Variants in YES1 observed in about 807,000 individuals in gnomAD.
YES1 encodes the protein YES proto-oncogene 1, Src family tyrosine kinase.
Under a neutral mutation model 70.4 loss-of-function variants are expected in YES1, and 39 were observed. The observed-to-expected ratio is 0.55, with a 90% CI of 0.43 to 0.72. The LOEUF is 0.72. Ranked by LOEUF, YES1 falls within the 30% of genes least tolerant of loss-of-function variation. The pLI is 0.00. For missense variants in YES1, 495 were observed against 644.8 expected (o/e 0.77, Z 2.52); for synonymous variants, 198 against 218.6 (o/e 0.91, Z 0.83).
intron 1 of YES1, among the ~76,000 whole-genome samples, chr18:793,964 C>A (rs939628641): frequency 6.6e-5 from 10 of 152,114 alleles, no homozygotes; most frequent in Non-Finnish European, 1.5e-4. Context: ...CTTACAGAAT[C>A]CCAACTACTA....
chr18:798,557 G>A (rs779705404), intron 1 of YES1, among the ~76,000 whole-genome samples: 4 of 152,138 alleles, frequency 2.6e-5, no homozygotes, highest in Admixed American at 6.5e-5. Flanking sequence ...TAGGGGAGCC[G>A]CTTTAGCTCC....
At chr18:757,434 C>T (rs1280276879) in intron 1 of YES1, among the ~76,000 whole-genome samples, 4 of 145,814 alleles carry the variant, frequency 2.7e-5, no homozygotes, top group African/African-American at 7.7e-5. Flanking sequence ...ACCCGGGAGG[C>T]GGAGCTTGCA....
At position 724,048 on chromosome 18, in the gene YES1, T is replaced by A. The variant is rs1222257295; in HGVS notation, c.*376A>T. 1 of 169,710 alleles carries A rather than the reference T, an allele frequency of 5.9e-6. No homozygotes were observed. Among genetic ancestry groups the A allele is most frequent in the Non-Finnish European group, 1.3e-5 (1 of 77,982 alleles). 10.5% of individuals were successfully genotyped at this position (169,710 alleles called of 1,614,324 possible). A position where few individuals can be genotyped will look rare whatever the true frequency, so the allele number is the denominator to read the frequency against. On this transcript the variant is annotated 3_prime_UTR_variant, in exon 12 of 12. Transcript: ENST00000314574. The stretch of plus-strand genomic sequence containing the variant: ...GATTTTATTATGGTATAGCTTTTTA[T>A]CTCTCAAGTTTTATCTGTAACAATA...
At chr18:753,492 T>C (rs1278978049) in intron 2 of YES1, among the ~76,000 whole-genome samples, 5 of 152,068 alleles carry the variant, frequency 3.3e-5, no homozygotes, top group African/African-American at 1.2e-4. Flanking sequence ...CAAAAAAAAA[T>C]TTTTTCTTTT....
intron 4 of YES1, among the ~76,000 whole-genome samples, chr18:746,627 A>ATTT (rs2080284326): frequency 6.6e-6 from 1 of 152,248 alleles, no homozygotes; most frequent in Non-Finnish European, 1.5e-5. Context: ...GACACATTAC[A>ATTT]AATCATTAAT....
In YES1 at chr18:771,341, T is replaced by C. The variant is rs547391749; in HGVS notation, c.-8-14506A>G. Among the ~76,000 whole-genome samples, 20 of 151,678 alleles carry C rather than the reference T, an allele frequency of 1.3e-4. No homozygotes were observed. The East Asian group carries it at 3.3e-3, about 25-fold the overall frequency. On this transcript the variant is annotated intron_variant, in intron 1 of 11. Coordinates refer to ENST00000314574, the MANE Select transcript of YES1 (RefSeq NM_005433.4). ...AAGATTGCACCACTACACTACAGCC[T>C]GGGGAATAAGAGCAAAACTTTGTCT...
intron 1 of YES1, among the ~76,000 whole-genome samples, chr18:786,640 A>G (rs1280533568): frequency 6.6e-6 from 1 of 152,114 alleles, no homozygotes; most frequent in African/African-American, 2.4e-5. Flanking sequence ...GATAATATCA[A>G]TTTCTGCATT....
At chr18:730,759 C>T (rs1162849835) in intron 11 of YES1, among the ~76,000 whole-genome samples, 1 of 152,110 alleles carries the variant, frequency 6.6e-6, no homozygotes, top group Non-Finnish European at 1.5e-5. Context: ...GTTTACAGTG[C>T]TATAATAAGT....
chr18:805,059 A>C (rs943508084), intron 1 of YES1, among the ~76,000 whole-genome samples: 1 of 152,154 alleles, frequency 6.6e-6, no homozygotes, highest in African/African-American at 2.4e-5. Flanking sequence ...TGTGATTCCA[A>C]ATTTTAGACT....
At chr18:747,886 A>C in intron 4 of YES1, 34 bp downstream of exon 4, 2 of 1,596,972 alleles carry the variant, frequency 1.3e-6, no homozygotes, top group South Asian at 1.1e-5. Flanking sequence ...TTCAAAAATC[A>C]AAATAATTAA....
At chr18:771,406 T>A (rs1351874409) in intron 1 of YES1, among the ~76,000 whole-genome samples, 1 of 152,172 alleles carries the variant, frequency 6.6e-6, no homozygotes, top group East Asian at 1.9e-4. Flanking sequence ...GAGGGTATTA[T>A]TTCTTAAATG....
At chr18:786,379 G>A (rs1443190684) in intron 1 of YES1, among the ~76,000 whole-genome samples, 1 of 151,930 alleles carries the variant, frequency 6.6e-6, no homozygotes, top group Non-Finnish European at 1.5e-5. Flanking sequence ...TCAAGTTTGA[G>A]GGACACTGGC....
chr18:764,278 A>G (rs1434449270), intron 1 of YES1, among the ~76,000 whole-genome samples: 1 of 152,166 alleles, frequency 6.6e-6, no homozygotes, highest in Non-Finnish European at 1.5e-5. Flanking sequence ...GCTAGAGCAC[A>G]ATGGTACAAT....
At position 726,759 on chromosome 18, in the gene YES1, TG is replaced by T. The variant is rs1195649766; in HGVS notation, c.1424-2128del. On this transcript the variant is annotated intron_variant, in intron 11 of 11. Transcript: ENST00000314574. The stretch of plus-strand genomic sequence containing the variant: ...TTGCACCACTGCACTCCAGCCTGGG[TG>T]ACAAAGCAAGACTCTTGTCTCAAAA... 6.5e-5 allele frequency among the ~76,000 whole-genome samples: 6 copies of T among 91,908 alleles called. No homozygotes were observed. The East Asian group carries it at 1.9e-3, about 30-fold the overall frequency. The allele number at this position is 91,908 out of a possible 152,430, so 60.3% of individuals were successfully genotyped here.
rs528744278 is a variant in YES1, at chr18:768,451, G to A, written c.-8-11616C>T. On this transcript the variant is annotated intron_variant, in intron 1 of 11. Transcript: ENST00000314574. ...TTTGGGCATTTACAGACTTTTCCCA[G>A]CAGTGTTTTATAGTTTTCAGTGTAC... Among the ~76,000 whole-genome samples, 27 of 152,176 alleles carry A rather than the reference G, an allele frequency of 1.8e-4. No homozygotes were observed. In the South Asian group the frequency reaches 5.0e-3, roughly 28 times the overall value.
chr18:806,556 C>T (rs1353820111), intron 1 of YES1, among the ~76,000 whole-genome samples: 1 of 152,188 alleles, frequency 6.6e-6, no homozygotes, highest in African/African-American at 2.4e-5. Flanking sequence ...AACCACATCC[C>T]TACATACAAT....
At chr18:801,386 C>A (rs994764359) in intron 1 of YES1, among the ~76,000 whole-genome samples, 1 of 152,086 alleles carries the variant, frequency 6.6e-6, no homozygotes, top group Non-Finnish European at 1.5e-5. Flanking sequence ...GAATGAGGAA[C>A]AAGCCAGTAT....
At chr18:793,513 T>A (rs1445938754) in intron 1 of YES1, among the ~76,000 whole-genome samples, 1 of 152,036 alleles carries the variant, frequency 6.6e-6, no homozygotes, top group Non-Finnish European at 1.5e-5. Context: ...ATTTTTTAAT[T>A]TTTTGCAGAG....
intron 1 of YES1, among the ~76,000 whole-genome samples, chr18:759,420 T>C (rs1235719165): frequency 1.3e-5 from 2 of 152,192 alleles, no homozygotes; most frequent in Non-Finnish European, 2.9e-5. Flanking sequence ...TGAGCCAAGA[T>C]TGTGCCATTG....
Sources: allele counts gnomAD v4.1 joint callset (sites outside exome capture counted in the v4.1 genomes callset), GRCh38; gene constraint gnomAD v4.1.1; transcripts MANE v1.5; gene names NCBI Gene and HGNC (gene_info 2026-07-23, HGNC 2026-07-21).